PTPRD: variants seen among roughly 807,000 people sequenced by gnomAD.
PTPRD encodes the protein protein tyrosine phosphatase receptor type D.
A neutral mutation model predicts 214.5 loss-of-function variants in PTPRD; 34 were observed. The observed-to-expected ratio is 0.16, with a 90% CI of 0.12 to 0.21. PTPRD has a LOEUF of 0.21. Ranked by LOEUF, PTPRD falls within the 10% of genes least tolerant of loss-of-function variation. The pLI, the probability that PTPRD is intolerant of heterozygous loss-of-function variation, is 1.00. For missense variants in PTPRD, 2,545 were observed against 2,398.7 expected (o/e 1.06, Z -1.27); for synonymous variants, 1,128 against 845.7 (o/e 1.33, Z -5.79).
chr9:10,045,707 T>C (rs1182056262), intron 3 of PTPRD, among the ~76,000 whole-genome samples: 1 of 151,754 alleles, frequency 6.6e-6, no homozygotes, highest in Non-Finnish European at 1.5e-5. Context: ...ATAGCTTATT[T>C]GATATAATTC....
At chr9:8,692,897 T>C (rs2097839311) in intron 12 of PTPRD, among the ~76,000 whole-genome samples, 1 of 152,200 alleles carries the variant, frequency 6.6e-6, no homozygotes, top group African/African-American at 2.4e-5. Context: ...AACATCAATG[T>C]TTGGCAGTAA....
intron 10 of PTPRD, among the ~76,000 whole-genome samples, chr9:9,112,596 C>T (rs1342706623): frequency 3.3e-5 from 5 of 152,166 alleles, no homozygotes; most frequent in Non-Finnish European, 7.3e-5. Flanking sequence ...GCTTTACTCT[C>T]TTGACTGATG....
chr9:9,085,435 G>T (rs1032125373), intron 10 of PTPRD, among the ~76,000 whole-genome samples: 1 of 152,096 alleles, frequency 6.6e-6, no homozygotes, highest in Non-Finnish European at 1.5e-5. Flanking sequence ...AGCTTTGACG[G>T]GTACTAATGG....
rs748181672 is a variant in PTPRD at position 9,408,185 on chromosome 9, T to C, written c.-236-10703A>G. ...CTGATGCTTCTCACAACTTTGTTTT[T>C]GTTTTTCATTGTTTTCTTAAACATT... is the stretch of plus-strand genomic sequence containing the variant. On this transcript the variant is annotated intron_variant, in intron 8 of 45. Transcript: ENST00000381196. Among the ~76,000 whole-genome samples the C allele has an allele frequency of 2.6e-5, 4 of 151,980 alleles. No homozygotes were observed. The South Asian group carries it at 8.3e-4, about 31-fold the overall frequency.
chr9:10,361,201 C>T lies in PTPRD; in HGVS notation c.-599-20184G>A, dbSNP rs962206158. 9.2e-5 allele frequency among the ~76,000 whole-genome samples: 14 copies of T among 152,260 alleles called. No homozygotes were observed. In the East Asian group the frequency reaches 2.7e-3, roughly 29 times the overall value. On this transcript the variant is annotated intron_variant, in intron 2 of 45. Coordinates refer to ENST00000381196, the MANE Select transcript of PTPRD (RefSeq NM_002839.4). ...TTGGCATTGTTTGACATTAAAATTT[C>T]TATATTGTATGGCTTAACAGAAGAC...
chr9:9,006,023 C>T (rs567045288), intron 11 of PTPRD, among the ~76,000 whole-genome samples: 1 of 152,016 alleles, frequency 6.6e-6, no homozygotes, highest in African/African-American at 2.4e-5. Flanking sequence ...ATTTTCTTAT[C>T]ATAAATTAAA....
At chr9:10,455,135 T>C (rs1452123327) in intron 2 of PTPRD, among the ~76,000 whole-genome samples, 1 of 151,782 alleles carries the variant, frequency 6.6e-6, no homozygotes, top group Non-Finnish European at 1.5e-5. Flanking sequence ...TCAAAGCTTA[T>C]CAATGATCTT....
chr9:9,555,073 A>T (rs1247659517), intron 8 of PTPRD, among the ~76,000 whole-genome samples: 1 of 152,096 alleles, frequency 6.6e-6, no homozygotes, highest in Admixed American at 6.6e-5. Context: ...TGGTTTGTTT[A>T]AAGGCATAAG....
At chr9:8,367,223 T>A (rs901395258) in intron 39 of PTPRD, among the ~76,000 whole-genome samples, 1 of 150,470 alleles carries the variant, frequency 6.6e-6, no homozygotes, top group African/African-American at 2.5e-5. Context: ...TGCATTCAAA[T>A]AAGCATTTTT....
intron 36 of PTPRD, among the ~76,000 whole-genome samples, chr9:8,402,622 C>G (rs1049078044): frequency 1.3e-5 from 2 of 152,156 alleles, no homozygotes; most frequent in East Asian, 3.9e-4. Context: ...AGATTTCTCT[C>G]TGCTATTTGT....
At chr9:8,847,326 T>C (rs1049071499) in intron 11 of PTPRD, among the ~76,000 whole-genome samples, 5 of 152,144 alleles carry the variant, frequency 3.3e-5, no homozygotes, top group African/African-American at 1.2e-4. Flanking sequence ...TTTATAAGTA[T>C]TATTTTAAAA....
At chr9:8,662,441 G>T (rs909104181) in intron 12 of PTPRD, among the ~76,000 whole-genome samples, 4 of 152,166 alleles carry the variant, frequency 2.6e-5, no homozygotes, top group Admixed American at 2.6e-4. Context: ...TTCATGGTAT[G>T]GTCTGGGTAC....
intron 7 of PTPRD, among the ~76,000 whole-genome samples, 183 bp from the exon 8 acceptor site, chr9:9,574,964 T>G (rs1357629382): frequency 2.6e-5 from 4 of 152,150 alleles, no homozygotes; most frequent in Admixed American, 1.3e-4. Flanking sequence ...GTTACTCATC[T>G]TACATCAAAG....
At chr9:8,710,157 C>T (rs1354966051) in intron 12 of PTPRD, among the ~76,000 whole-genome samples, 4 of 152,106 alleles carry the variant, frequency 2.6e-5, no homozygotes, top group Non-Finnish European at 4.4e-5. Context: ...ATATTAGAAG[C>T]TTTTTTCCTG....
At chr9:9,755,438 G>A (rs2098558379) in intron 6 of PTPRD, among the ~76,000 whole-genome samples, 1 of 152,060 alleles carries the variant, frequency 6.6e-6, no homozygotes, top group African/African-American at 2.4e-5. Context: ...ATTTTTGGAA[G>A]AATAAGGCAG....
At chr9:8,884,818 A>T (rs775474029) in intron 11 of PTPRD, among the ~76,000 whole-genome samples, 7 of 152,180 alleles carry the variant, frequency 4.6e-5, no homozygotes, top group Non-Finnish European at 1.0e-4. Flanking sequence ...TCATTTCACA[A>T]GTATCTGTGG....
chr9:8,810,214 T>C (rs560758714), intron 11 of PTPRD, among the ~76,000 whole-genome samples: 18 of 152,346 alleles, frequency 1.2e-4, no homozygotes, highest in African/African-American at 3.8e-4. Context: ...TTTGCCATAG[T>C]ATGATAGACT....
chr9:8,590,984 T>C (rs1157603403), intron 14 of PTPRD, among the ~76,000 whole-genome samples: 2 of 152,146 alleles, frequency 1.3e-5, no homozygotes, highest in Non-Finnish European at 2.9e-5. Context: ...GAATCTTCCT[T>C]CTTGCATTTT....
intron 3 of PTPRD, among the ~76,000 whole-genome samples, chr9:10,174,410 CCAT>C (rs1375282822): frequency 5.9e-4 from 89 of 152,060 alleles, no homozygotes; most frequent in Admixed American, 5.7e-3. Flanking sequence ...TCACCTTCCA[CCAT>C]GAGTGGAAGG....
Sources: allele counts gnomAD v4.1 joint callset (sites outside exome capture counted in the v4.1 genomes callset), GRCh38; gene constraint gnomAD v4.1.1; transcripts MANE v1.5; gene names NCBI Gene and HGNC (gene_info 2026-07-23, HGNC 2026-07-21).